ADK: variants seen among roughly 807,000 people sequenced by gnomAD.
ADK encodes adenosine kinase.
ADK carries 24 observed loss-of-function variants against 44.7 expected under a neutral mutation model. The observed-to-expected ratio is 0.54, with a 90% CI of 0.39 to 0.76. The LOEUF is 0.76. ADK is among the 30% of genes least tolerant of loss of function. The pLI is 0.00. For synonymous variants in ADK, 128 were observed against 142.6 expected (o/e 0.90, Z 0.73); for missense variants, 321 against 425.1 (o/e 0.76, Z 2.15).
intron 4 of ADK, among the ~76,000 whole-genome samples, chr10:74,320,320 A>G (rs930168222): frequency 6.6e-6 from 1 of 152,160 alleles, no homozygotes; most frequent in Non-Finnish European, 1.5e-5. Context: ...TCTGATGAGA[A>G]TTAGTTCTTA....
chr10:74,452,764 G>A (rs1845819173), intron 6 of ADK, among the ~76,000 whole-genome samples: 1 of 151,968 alleles, frequency 6.6e-6, no homozygotes, highest in African/African-American at 2.4e-5. Flanking sequence ...ATAGCTCCAG[G>A]ATTTTTCGTG....
At chr10:74,604,736 G>A (rs537309474) in intron 9 of ADK, among the ~76,000 whole-genome samples, 34 of 152,150 alleles carry the variant, frequency 2.2e-4, no homozygotes, top group Non-Finnish European at 3.7e-4. Flanking sequence ...TTGGCTATAC[G>A]GGCTCTTTTT....
At chr10:74,572,711 C>A (rs1427519236) in intron 7 of ADK, among the ~76,000 whole-genome samples, 1 of 152,072 alleles carries the variant, frequency 6.6e-6, no homozygotes, top group Non-Finnish European at 1.5e-5. Context: ...TCTTTTTATT[C>A]TTTTTTCTCT....
intron 4 of ADK, among the ~76,000 whole-genome samples, chr10:74,361,679 T>C (rs1842341026): frequency 6.6e-6 from 1 of 152,260 alleles, no homozygotes; most frequent in Admixed American, 6.5e-5. Context: ...ACAATATTAA[T>C]ATAACACTCA....
intron 6 of ADK, among the ~76,000 whole-genome samples, chr10:74,453,928 T>G (rs1025011400): frequency 3.9e-5 from 6 of 152,138 alleles, no homozygotes; most frequent in Non-Finnish European, 7.4e-5. Context: ...AAGCACATAG[T>G]GTAAACTTTG....
At chr10:74,674,001 G>A (rs1855289808) in intron 10 of ADK, among the ~76,000 whole-genome samples, 1 of 152,094 alleles carries the variant, frequency 6.6e-6, no homozygotes, top group East Asian at 1.9e-4. Flanking sequence ...TCTGTTGGCT[G>A]AGCCTGGGGT....
chr10:74,390,193 A>G (rs1843286426), intron 4 of ADK, among the ~76,000 whole-genome samples: 2 of 152,096 alleles, frequency 1.3e-5, no homozygotes, highest in African/African-American at 4.8e-5. Flanking sequence ...TTTAATAACA[A>G]TAGAAATTCT....
At chr10:74,430,777 A>G in intron 6 of ADK, among the ~76,000 whole-genome samples, 1 of 151,880 alleles carries the variant, frequency 6.6e-6, no homozygotes. Context: ...AAAAAGCCAT[A>G]CAGCTGTTTG....
At chr10:74,536,531 G>A (rs915700904) in intron 7 of ADK, among the ~76,000 whole-genome samples, 2 of 148,766 alleles carry the variant, frequency 1.3e-5, no homozygotes, top group African/African-American at 4.9e-5. Context: ...CTATTTTTAA[G>A]TGTACAAATC....
At chr10:74,405,717 G>A (rs182604902) in intron 6 of ADK, among the ~76,000 whole-genome samples, 128 of 152,152 alleles carry the variant, frequency 8.4e-4, no homozygotes, top group African/African-American at 2.9e-3. Flanking sequence ...CTACCCGTCC[G>A]TGGAAAAATT....
chr10:74,398,002 A>G lies in ADK; in HGVS notation c.447-469A>G, dbSNP rs188721847. 2.0e-5 allele frequency among the ~76,000 whole-genome samples: 3 copies of G among 152,360 alleles called. No homozygotes were observed. In the East Asian group the frequency reaches 5.8e-4, roughly 29 times the overall value. On this transcript the variant is annotated intron_variant, in intron 5 of 10. Transcript: ENST00000539909. The stretch of plus-strand genomic sequence containing the variant: ...CTCTTAGCGAATATGGTCTACATTT[A>G]TAAGTGTCTTTTACGAAATTAATTC...
intron 3 of ADK, among the ~76,000 whole-genome samples, chr10:74,312,158 C>A (rs186565020): frequency 3.7e-4 from 57 of 152,110 alleles, no homozygotes; most frequent in African/African-American, 1.3e-3. Context: ...GAGCGAGATT[C>A]TGTCTCAAAA....
chr10:74,518,579 A>T (rs1163846361), intron 6 of ADK, among the ~76,000 whole-genome samples: 1 of 152,194 alleles, frequency 6.6e-6, no homozygotes, highest in Non-Finnish European at 1.5e-5. Flanking sequence ...CACCAAAACT[A>T]AAAATGGTTA....
At chr10:74,178,148 G>T (rs1220314686) in intron 1 of ADK, among the ~76,000 whole-genome samples, 2 of 151,858 alleles carry the variant, frequency 1.3e-5, no homozygotes, top group Non-Finnish European at 2.9e-5. Context: ...CACCATATTG[G>T]CCAGGCTGGT....
At chr10:74,320,375 C>T (rs1433253423) in intron 4 of ADK, among the ~76,000 whole-genome samples, 2 of 152,166 alleles carry the variant, frequency 1.3e-5, no homozygotes, top group African/African-American at 4.8e-5. Flanking sequence ...TTTTCTCTCA[C>T]TGATTTCAAA....
chr10:74,474,260 C>T (rs529150351), intron 6 of ADK, among the ~76,000 whole-genome samples: 21 of 152,018 alleles, frequency 1.4e-4, no homozygotes, highest in Admixed American at 9.2e-4. Flanking sequence ...TGTGCCACCA[C>T]GCCCAATTAA....
At chr10:74,478,835 C>T (rs565455944) in intron 6 of ADK, among the ~76,000 whole-genome samples, 1 of 152,268 alleles carries the variant, frequency 6.6e-6, no homozygotes, top group Non-Finnish European at 1.5e-5. Context: ...CTTATAAGTA[C>T]TTTGATGGGT....
chr10:74,291,924 T>C (rs1847455075), intron 3 of ADK, among the ~76,000 whole-genome samples: 1 of 152,148 alleles, frequency 6.6e-6, no homozygotes. Context: ...GTGTATCATA[T>C]TGTAAAACAG....
chr10:74,603,149 T>C (rs1852198293), intron 9 of ADK, among the ~76,000 whole-genome samples: 1 of 152,100 alleles, frequency 6.6e-6, no homozygotes, highest in South Asian at 2.1e-4. Context: ...TAATGGAAGA[T>C]AGGGAGGGAA....
Sources: allele counts gnomAD v4.1 joint callset (sites outside exome capture counted in the v4.1 genomes callset), GRCh38; gene constraint gnomAD v4.1.1; transcripts MANE v1.5; gene names NCBI Gene and HGNC (gene_info 2026-07-23, HGNC 2026-07-21).